The following CCDC60 variants were observed in gnomAD, a reference collection of about 807,000 sequenced individuals.
CCDC60 encodes coiled-coil domain containing 60.
Under a neutral mutation model 63.5 loss-of-function variants are expected in CCDC60, and 54 were observed. The observed-to-expected ratio is 0.85, with a 90% confidence interval of 0.68 to 1.07. The LOEUF is 1.07. Among genes scored for constraint, CCDC60 ranks in the 50% least tolerant of loss-of-function variants. The pLI is 0.00. For synonymous variants in CCDC60, 206 were observed against 238.8 expected (o/e 0.86, Z 1.27); for missense variants, 651 against 684.3 (o/e 0.95, Z 0.54).
At chr12:119,360,937 C>G (rs1955782187) in intron 1 of CCDC60, among the ~76,000 whole-genome samples, 1 of 152,170 alleles carries the variant, frequency 6.6e-6, no homozygotes, top group Non-Finnish European at 1.5e-5. Flanking sequence ...AGCTGGAGAC[C>G]AGCCCGGCCA....
intron 2 of CCDC60, among the ~76,000 whole-genome samples, chr12:119,465,258 G>T (rs113555633): frequency 6.6e-6 from 1 of 152,062 alleles, no homozygotes; most frequent in African/African-American, 2.4e-5. Context: ...AGGTTGCAGT[G>T]AGCCGAGATC....
At chr12:119,482,009 A>ATATATATGTATATATATG (rs774808817) in intron 4 of CCDC60, among the ~76,000 whole-genome samples, 8 of 40,630 alleles carry the variant, frequency 2.0e-4, no homozygotes, top group African/African-American at 4.1e-4. Flanking sequence ...TATATATAGT[A>ATATATATGTATATATATG]TATATATATG....
chr12:119,337,824 TTGTGTGTGTGTGTGTG>T (rs60009617), intron 1 of CCDC60, among the ~76,000 whole-genome samples: 3 of 140,546 alleles, frequency 2.1e-5, no homozygotes, highest in South Asian at 4.8e-4. Context: ...GTGTGTGTAT[TTGTGTGTGTGTGTGTG>T]TGTGTGTGTG....
chr12:119,458,622 T>C (rs1950793078), intron 2 of CCDC60, among the ~76,000 whole-genome samples: 1 of 152,226 alleles, frequency 6.6e-6, no homozygotes, highest in African/African-American at 2.4e-5. Flanking sequence ...TTGGGTGATG[T>C]TCAATCCTAG....
intron 1 of CCDC60, among the ~76,000 whole-genome samples, chr12:119,385,475 A>G (rs1349191123): frequency 6.6e-6 from 1 of 152,200 alleles, no homozygotes; most frequent in Non-Finnish European, 1.5e-5. Flanking sequence ...TGATGGTTTT[A>G]TAAAGGGTTT....
chr12:119,478,966 C>A (rs1951239936), intron 3 of CCDC60, 128 bp from the exon 4 acceptor site: 1 of 695,866 alleles, frequency 1.4e-6, no homozygotes, highest in Non-Finnish European at 2.6e-6. Context: ...ATCCCTCCAG[C>A]AGAAATTATT....
At chr12:119,335,310 A>C in intron 1 of CCDC60, 44 bp downstream of exon 1, 1 of 1,434,912 alleles carries the variant, frequency 7.0e-7, no homozygotes, top group Non-Finnish European at 9.6e-7. Flanking sequence ...TTCGAGAACA[A>C]GTGAAATAGG....
intron 4 of CCDC60, among the ~76,000 whole-genome samples, chr12:119,483,088 C>T (rs1031333987): frequency 6.6e-6 from 1 of 152,146 alleles, no homozygotes; most frequent in Non-Finnish European, 1.5e-5. Context: ...CACAGTTACC[C>T]TCTCACCACA....
intron 2 of CCDC60, among the ~76,000 whole-genome samples, chr12:119,462,671 G>C (rs1399906594): frequency 1.3e-5 from 2 of 152,054 alleles, no homozygotes; most frequent in Admixed American, 1.3e-4. Context: ...ACCCATGCTG[G>C]AATGCAATGG....
chr12:119,367,916 A>G lies in CCDC60; in HGVS notation c.90+32650A>G, dbSNP rs1378018420. On this transcript the variant is annotated intron_variant, in intron 1 of 13. Transcript: ENST00000327554. ...TATATAAAGGGGTTTTTTTTTTTTG[A>G]GCTGATGAAAAGTTTCCAGAATTGA... 3.4e-5 allele frequency among the ~76,000 whole-genome samples: 5 copies of G among 145,340 alleles called. No individual in the cohort carries two copies. In the East Asian group the frequency reaches 9.9e-4, roughly 29 times the overall value.
At position 119,470,351 on chromosome 12, in the gene CCDC60, C is replaced by T. The variant is rs1951032677; in HGVS notation, c.171-1643C>T. 2.0e-5 allele frequency among the ~76,000 whole-genome samples: 3 copies of T among 152,162 alleles called. No individual in the cohort carries two copies. In the South Asian group the frequency reaches 6.2e-4, roughly 31 times the overall value. ...GGGGGGTAAATGTTTTATCTTATTG[C>T]TTTGTGCAGCCCCAGTCCCCTGAAC... On this transcript the variant is annotated intron_variant, in intron 2 of 13. Transcript: ENST00000327554.
chr12:119,497,826 G>T (rs1225098089), intron 5 of CCDC60, among the ~76,000 whole-genome samples: 1 of 151,904 alleles, frequency 6.6e-6, no homozygotes, highest in East Asian at 1.9e-4. Context: ...TTTAAATATT[G>T]TTTATAGGAC....
rs779916594 is a variant in CCDC60 at position 119,522,930 on chromosome 12, G to A, written c.1041-9G>A. On this transcript the variant is annotated splice_polypyrimidine_tract_variant and intron_variant, in intron 9 of 13. Coordinates refer to ENST00000327554, the MANE Select transcript of CCDC60 (RefSeq NM_178499.5). ...CTGAGCAACTTGAAACCATCCTTTTGTGTTTCAGTGAGAGATCCAGCAGTA... is the reference window on the plus strand; with the variant it reads ...CTGAGCAACTTGAAACCATCCTTTTATGTTTCAGTGAGAGATCCAGCAGTA... The A allele has an allele frequency of 6.2e-7, 1 of 1,613,754 alleles. No homozygotes were observed. Among genetic ancestry groups the A allele is most frequent in the Non-Finnish European group, 8.5e-7 (1 of 1,179,648 alleles).
At position 119,392,860 on chromosome 12, in the gene CCDC60, A is replaced by G. The variant is rs553994800; in HGVS notation, c.91-35823A>G. Among the ~76,000 whole-genome samples the G allele has an allele frequency of 4.6e-5, 7 of 152,292 alleles. No individual in the cohort carries two copies. In the South Asian group the frequency reaches 1.0e-3, roughly 23 times the overall value. On this transcript the variant is annotated intron_variant, in intron 1 of 13. Transcript: ENST00000327554. ...CGTGTTTGTGAGGTGCAAGTACTAT[A>G]TAACAGTTTTGTGGCCAGGTGCAGT...
chr12:119,355,207 A>G (rs560141559), intron 1 of CCDC60, among the ~76,000 whole-genome samples: 2 of 152,314 alleles, frequency 1.3e-5, no homozygotes, highest in South Asian at 4.2e-4. Flanking sequence ...AGGTGGGCAC[A>G]GTACTAATAG....
At chr12:119,482,124 A>G (rs1271268190) in intron 4 of CCDC60, among the ~76,000 whole-genome samples, 2 of 145,036 alleles carry the variant, frequency 1.4e-5, no homozygotes. Context: ...ATATATATAC[A>G]TATATATACA....
At position 119,466,603 on chromosome 12, in the gene CCDC60, C is replaced by T. The variant is rs568482763; in HGVS notation, c.171-5391C>T. Among the ~76,000 whole-genome samples the T allele has an allele frequency of 2.0e-5, 3 of 152,254 alleles. No homozygotes were observed. In the South Asian group the frequency reaches 6.2e-4, roughly 32 times the overall value. ...TATCTGGGCAAGTTGATAAGAAAGCCCAGGTGCACCCTCCTTTGATGCTGG... is the reference window on the plus strand; with the variant it reads ...TATCTGGGCAAGTTGATAAGAAAGCTCAGGTGCACCCTCCTTTGATGCTGG... On this transcript the variant is annotated intron_variant, in intron 2 of 13. Transcript: ENST00000327554.
At position 119,523,103 on chromosome 12, in the gene CCDC60, T is replaced by A; in HGVS notation, c.1103+102T>A. 3 of 1,050,272 alleles carry A rather than the reference T, an allele frequency of 2.9e-6. No homozygotes were observed. The South Asian group carries it at 3.8e-5, about 13-fold the overall frequency. 65.1% of individuals were successfully genotyped at this position (1,050,272 alleles called of 1,614,324 possible). A position where few individuals can be genotyped will look rare whatever the true frequency, so the allele number is the denominator to read the frequency against. On this transcript the variant is annotated intron_variant, in intron 10 of 13. Coordinates refer to ENST00000327554, the MANE Select transcript of CCDC60 (RefSeq NM_178499.5). ...AGAAATGACCCAATGCAGACCAGAC[T>A]CCCTAAAGCCGTAGATGATGCTGAA...
chr12:119,373,425 T>C (rs1955917910), intron 1 of CCDC60, among the ~76,000 whole-genome samples: 1 of 152,006 alleles, frequency 6.6e-6, no homozygotes, highest in South Asian at 2.1e-4. Flanking sequence ...CATTTGCAAA[T>C]AGGGGTTTTC....
Sources: allele counts gnomAD v4.1 joint callset (sites outside exome capture counted in the v4.1 genomes callset), GRCh38; gene constraint gnomAD v4.1.1; transcripts MANE v1.5; gene names NCBI Gene and HGNC (gene_info 2026-07-23, HGNC 2026-07-21).